The following TFCP2 variants were observed in gnomAD, a reference collection of about 807,000 sequenced individuals.
TFCP2 encodes the protein alpha-globin transcription factor CP2.
In TFCP2, 33 loss-of-function variants were observed where a neutral mutation model predicts 73.4. The observed-to-expected ratio is 0.45, with a 90% confidence interval of 0.34 to 0.60. The LOEUF (loss-of-function observed/expected upper bound fraction) is 0.60, where lower values mean the gene tolerates loss of function less well. Among genes scored for constraint, TFCP2 ranks in the 20% least tolerant of loss-of-function variants. TFCP2 has a pLI of 0.01. For missense variants in TFCP2, 352 were observed against 604.0 expected (o/e 0.58, Z 4.37); for synonymous variants, 193 against 211.6 (o/e 0.91, Z 0.76).
At position 51,107,222 on chromosome 12, in the gene TFCP2, A is replaced by G. The variant is rs935824205; in HGVS notation, c.828+14T>C. ...ATTATGAACTGAAATTGTCACCAAA[A>G]GAAATCTTTTTACCTCTGTGAGTAT... On this transcript the variant is annotated intron_variant, in intron 7 of 14. Transcript: ENST00000257915. 2 of 1,572,146 alleles carry G rather than the reference A, an allele frequency of 1.3e-6. No homozygotes were observed. Among genetic ancestry groups the G allele is most frequent in the Non-Finnish European group, 1.7e-6 (2 of 1,160,826 alleles).
chr12:51,101,243 T>C (rs1940104343), intron 11 of TFCP2, among the ~76,000 whole-genome samples: 1 of 152,152 alleles, frequency 6.6e-6, no homozygotes, highest in African/African-American at 2.4e-5. Context: ...AGGTGGAGCT[T>C]GCAGTGAGCC....
At chr12:51,143,312 C>T (rs1433197177) in intron 1 of TFCP2, among the ~76,000 whole-genome samples, 1 of 150,618 alleles carries the variant, frequency 6.6e-6, no homozygotes, top group Non-Finnish European at 1.5e-5. Context: ...ACATAACTAG[C>T]CTATCCCCCT....
At position 51,095,983 on chromosome 12, in the gene TFCP2, T is replaced by C; in HGVS notation, c.1471+6A>G. Reference sequence around the variant, plus strand: ...GCTTAGAGAAAGATGTTTGTCTTACTATTACCTTTCATTGTGTCCAGAATA... The same window carrying C: ...GCTTAGAGAAAGATGTTTGTCTTACCATTACCTTTCATTGTGTCCAGAATA... On this transcript the variant is annotated splice_donor_region_variant and intron_variant, in intron 14 of 14. Transcript: ENST00000257915. 1 of 1,612,576 alleles carries C rather than the reference T, an allele frequency of 6.2e-7. No individual in the cohort carries two copies. Among genetic ancestry groups the C allele is most frequent in the Non-Finnish European group, 8.5e-7 (1 of 1,179,062 alleles).
chr12:51,117,213 C>A (rs1370328604), intron 3 of TFCP2, among the ~76,000 whole-genome samples: 1 of 152,196 alleles, frequency 6.6e-6, no homozygotes, highest in Non-Finnish European at 1.5e-5. Flanking sequence ...ATTCCTCCCA[C>A]CACCTTTTGA....
intron 1 of TFCP2, among the ~76,000 whole-genome samples, chr12:51,159,442 G>T (rs1434158389): frequency 6.6e-6 from 1 of 151,580 alleles, no homozygotes; most frequent in Non-Finnish European, 1.5e-5. Flanking sequence ...AGGTTCAAGC[G>T]ATTCTCATGC....
chr12:51,118,772 A>G lies in TFCP2; in HGVS notation c.123T>C (p.Ser41=), dbSNP rs1940592776. Residue 41 remains serine, a splice_region_variant and synonymous_variant, in exon 2 of 15, where the codon AGT becomes AGC. Transcript: ENST00000257915. ...QELGAGAYSM[S]DVLALPIFKQ... ...TAAAAATGGGCAATGCAAGGACATC[A>G]CTAAAATAAAACAAATGACTCACAT... 1 of 1,613,850 alleles carries G rather than the reference A, an allele frequency of 6.2e-7. No individual in the cohort carries two copies. Among genetic ancestry groups the G allele is most frequent in the Non-Finnish European group, 8.5e-7 (1 of 1,179,970 alleles).
At chr12:51,114,417 C>T (rs1940470538) in intron 4 of TFCP2, among the ~76,000 whole-genome samples, 1 of 151,726 alleles carries the variant, frequency 6.6e-6, no homozygotes, top group African/African-American at 2.4e-5. Flanking sequence ...ACCAGCCTGG[C>T]CAACATGGCA....
intron 1 of TFCP2, among the ~76,000 whole-genome samples, chr12:51,163,568 C>A (rs1194397672): frequency 1.3e-5 from 2 of 151,770 alleles, no homozygotes; most frequent in African/African-American, 2.4e-5. Flanking sequence ...CCAGCCCAGG[C>A]AACAGAGCGA....
chr12:51,125,380 C>G (rs748238428), intron 1 of TFCP2: 66 of 475,046 alleles, frequency 1.4e-4, no homozygotes, highest in Non-Finnish European at 2.5e-4. Context: ...GCCAAACTTA[C>G]CGTGGACTCA....
At position 51,095,957 on chromosome 12, in the gene TFCP2, T is replaced by C. The variant is rs1232926415; in HGVS notation, c.1471+32A>G. ...CCTAGTAGTAGTAAAGCTGTTAAACTGCTTAGAGAAAGATGTTTGTCTTAC... is the reference window on the plus strand; with the variant it reads ...CCTAGTAGTAGTAAAGCTGTTAAACCGCTTAGAGAAAGATGTTTGTCTTAC... On this transcript the variant is annotated intron_variant, in intron 14 of 14. Coordinates refer to ENST00000257915, the MANE Select transcript of TFCP2 (RefSeq NM_005653.5). The C allele has an allele frequency of 5.7e-6, 9 of 1,592,796 alleles. No individual in the cohort carries two copies. In the Admixed American group the frequency reaches 6.8e-5, roughly 12 times the overall value.
chr12:51,155,333 T>C (rs1198940051), intron 1 of TFCP2, among the ~76,000 whole-genome samples: 1 of 152,200 alleles, frequency 6.6e-6, no homozygotes, highest in Admixed American at 6.6e-5. Context: ...TTTCCATAAT[T>C]GAGTAAGCCA....
chr12:51,161,578 G>A (rs1941648601), intron 1 of TFCP2, among the ~76,000 whole-genome samples: 1 of 151,534 alleles, frequency 6.6e-6, no homozygotes, highest in Non-Finnish European at 1.5e-5. Flanking sequence ...TATTCAGGAG[G>A]CTGAGACAGG....
At chr12:51,099,025 T>A in intron 12 of TFCP2, 107 bp from the exon 13 acceptor site, 1 of 1,238,674 alleles carries the variant, frequency 8.1e-7, no homozygotes, top group Non-Finnish European at 1.1e-6. Context: ...GAAATCACAC[T>A]GCCTAAGTTC....
At chr12:51,153,697 A>G (rs2640522) in intron 1 of TFCP2, among the ~76,000 whole-genome samples, 1 of 152,292 alleles carries the variant, frequency 6.6e-6, no homozygotes, top group East Asian at 1.9e-4. Context: ...AATGTCCCAA[A>G]GTTTATCCAT....
At chr12:51,109,585 C>T (rs1940342799) in intron 5 of TFCP2, among the ~76,000 whole-genome samples, 1 of 152,150 alleles carries the variant, frequency 6.6e-6, no homozygotes, top group Non-Finnish European at 1.5e-5. Context: ...GTTAAAGTTT[C>T]CTCAATTTTA....
intron 1 of TFCP2, among the ~76,000 whole-genome samples, chr12:51,168,218 A>C (rs1302528920): frequency 6.6e-6 from 1 of 152,082 alleles, no homozygotes; most frequent in Non-Finnish European, 1.5e-5. Flanking sequence ...CAACATAGGG[A>C]GACCCTGTCT....
intron 1 of TFCP2, among the ~76,000 whole-genome samples, chr12:51,169,426 G>A (rs997136586): frequency 7.2e-5 from 11 of 151,820 alleles, no homozygotes; most frequent in East Asian, 1.9e-4. Context: ...GCTTGAACCC[G>A]GGAGACAGAG....
intron 1 of TFCP2, among the ~76,000 whole-genome samples, chr12:51,152,772 T>C (rs1283134725): frequency 6.6e-6 from 1 of 152,212 alleles, no homozygotes; most frequent in Admixed American, 6.5e-5. Context: ...CTGAAATTAT[T>C]TTTTCCCAAC....
chr12:51,104,493 C>A (rs1462056218), intron 8 of TFCP2, among the ~76,000 whole-genome samples: 1 of 151,112 alleles, frequency 6.6e-6, no homozygotes, highest in Non-Finnish European at 1.5e-5. Context: ...TAAATTATGG[C>A]ATAAAAATAT....
Sources: allele counts gnomAD v4.1 joint callset (sites outside exome capture counted in the v4.1 genomes callset), GRCh38; gene constraint gnomAD v4.1.1; transcripts MANE v1.5; gene names NCBI Gene and HGNC (gene_info 2026-07-23, HGNC 2026-07-21).